Variants in SMC6 observed in about 807,000 individuals in gnomAD.
The protein encoded by SMC6 is structural maintenance of chromosomes 6.
SMC6 carries 79 observed loss-of-function variants against 142.2 expected under a neutral mutation model. That is an observed-to-expected ratio of 0.56 (90% CI 0.46 to 0.67). The LOEUF is 0.67. SMC6 is among the 30% of genes least tolerant of loss of function. The probability of loss-of-function intolerance (pLI) is 0.00; values close to 1 mark genes in which losing one functional copy is unlikely to be tolerated. For synonymous variants in SMC6, 411 were observed against 412.4 expected (o/e 1.00, Z 0.04); for missense variants, 1,072 against 1,284.0 (o/e 0.83, Z 2.52).
intron 9 of SMC6, among the ~76,000 whole-genome samples, chr2:17,724,153 G>C (rs1372490211): frequency 6.6e-6 from 1 of 152,068 alleles, no homozygotes; most frequent in African/African-American, 2.4e-5. Flanking sequence ...GGTACAGTTT[G>C]TTTGAATATA....
chr2:17,681,972 T>C (rs757212700), intron 24 of SMC6: 3 of 152,182 alleles, frequency 2.0e-5, no homozygotes, highest in Non-Finnish European at 4.4e-5. Context: ...GCCTGTAAAC[T>C]GTAAGATCAG....
At chr2:17,727,158 T>C (rs1669668094) in intron 7 of SMC6, among the ~76,000 whole-genome samples, 1 of 152,176 alleles carries the variant, frequency 6.6e-6, no homozygotes, top group Non-Finnish European at 1.5e-5. Context: ...GATTGAAGGA[T>C]GCAAAGTATT....
rs1424729233 is a variant in SMC6, at chr2:17,720,963, C to G, written c.922G>C (p.Asp308His). ...ACCTGCTGTTCTTCCATTTTCCTGT[C>G]AAGTCTAGCAGCACGATCTTCTCCA... Reference protein sequence around the residue: ...KIGEDRAARLDRKMEEQQVRL... With the variant: ...KIGEDRAARLHRKMEEQQVRL... Residue 308 changes from aspartate to histidine, a missense_variant, in exon 11 of 28, where the codon GAC (aspartate) becomes CAC (histidine). Physicochemically the swap from Asp to His is moderately conservative, Grantham distance 81 (BLOSUM62 -1). This residue lies in a region of SMC6 where 994 missense variants were observed against 1,153.2 expected (regional missense o/e 0.86). Coordinates refer to ENST00000448223, the MANE Select transcript of SMC6 (RefSeq NM_001142286.2). 1 of 1,613,416 alleles carries G rather than the reference C, an allele frequency of 6.2e-7. No homozygotes were observed. Among genetic ancestry groups the G allele is most frequent in the Non-Finnish European group, 8.5e-7 (1 of 1,179,786 alleles).
At chr2:17,734,066 TTG>T (rs1362311125) in intron 5 of SMC6, among the ~76,000 whole-genome samples, 1 of 152,034 alleles carries the variant, frequency 6.6e-6, no homozygotes, top group Non-Finnish European at 1.5e-5. Context: ...TAAGTTAGGA[TTG>T]TGAGGGAGGT....
chr2:17,721,333 C>A (rs188659086), intron 9 of SMC6, 72 bp from the exon 10 acceptor site: 2 of 1,420,292 alleles, frequency 1.4e-6, no homozygotes, highest in Non-Finnish European at 1.9e-6. Context: ...AAATCTATTT[C>A]TTTTAAAAAC....
At chr2:17,730,031 G>A (rs560533321) in intron 7 of SMC6, among the ~76,000 whole-genome samples, 2 of 152,094 alleles carry the variant, frequency 1.3e-5, no homozygotes, top group African/African-American at 4.8e-5. Flanking sequence ...ATTCTGTAAC[G>A]AGGCAGTATT....
At chr2:17,742,928 TTA>T (rs1461272266) in intron 3 of SMC6, among the ~76,000 whole-genome samples, 1 of 152,160 alleles carries the variant, frequency 6.6e-6, no homozygotes, top group Non-Finnish European at 1.5e-5. Flanking sequence ...TGTTGCCCTT[TTA>T]TAGTCACATC....
intron 23 of SMC6, among the ~76,000 whole-genome samples, chr2:17,685,947 AT>A (rs1667436819): frequency 6.6e-6 from 1 of 152,096 alleles, no homozygotes. Flanking sequence ...CCATAGAAAA[AT>A]AATTTTAAAA....
intron 9 of SMC6, among the ~76,000 whole-genome samples, chr2:17,723,383 A>C (rs542449369): frequency 9.9e-5 from 15 of 152,214 alleles, no homozygotes; most frequent in African/African-American, 3.4e-4. Flanking sequence ...CTGCCCCCTA[A>C]ATTTTATAAG....
At chr2:17,671,431 C>CCACA (rs10686942) in intron 25 of SMC6, among the ~76,000 whole-genome samples, 6,033 of 148,830 alleles carry the variant, frequency 0.041, 150 homozygotes, top group Middle Eastern at 0.075. Flanking sequence ...AACCTCATCT[C>CCACA]CACACACACA....
At chr2:17,668,604 T>C (rs1401850619) in intron 26 of SMC6, among the ~76,000 whole-genome samples, 2 of 152,018 alleles carry the variant, frequency 1.3e-5, no homozygotes, top group Non-Finnish European at 2.9e-5. Flanking sequence ...GTAATATATA[T>C]TATGAGTTGA....
Position 17,708,753 on chromosome 2 carries a change from T to A in SMC6, c.1731A>T (p.Arg577Ser). Residue 577 changes from arginine (R) to serine (S), a missense_variant and splice_region_variant, in exon 17 of 28, where the codon AGA becomes AGT. This residue lies in a region of SMC6 where 994 missense variants were observed against 1,153.2 expected (regional missense o/e 0.86). Coordinates refer to ENST00000448223, the MANE Select transcript of SMC6 (RefSeq NM_001142286.2). Reference protein sequence around the residue: ...FRNEIYDVRHRAAYHPDFPTV... With the variant: ...FRNEIYDVRHSAAYHPDFPTV... ...TTGGAAAGTCTGGATGATAAGCAGC[T>A]CTAGGAGACAAAAATACAGAAGGAT... is the stretch of plus-strand genomic sequence containing the variant. 6.8e-7 allele frequency: 1 copy of A among 1,479,616 alleles called. No homozygotes were observed. Among genetic ancestry groups the A allele is most frequent in the Non-Finnish European group, 9.0e-7 (1 of 1,112,590 alleles). The allele number at this position is 1,479,616 out of a possible 1,614,324, so 91.7% of individuals were successfully genotyped here. A position where few individuals can be genotyped will look rare whatever the true frequency, so the allele number is the denominator to read the frequency against.
intron 23 of SMC6, among the ~76,000 whole-genome samples, chr2:17,685,401 A>C (rs1667407848): frequency 6.6e-6 from 1 of 152,156 alleles, no homozygotes. Flanking sequence ...CAGGAGAAAA[A>C]GTATGAGCTA....
At chr2:17,703,339 A>C in intron 18 of SMC6, 47 bp from the exon 19 acceptor site, 3 of 1,521,478 alleles carry the variant, frequency 2.0e-6, no homozygotes, top group Non-Finnish European at 2.7e-6. Context: ...TCTTTTTCTC[A>C]ATATTACAAA....
chr2:17,726,194 A>C (rs1202418927), intron 8 of SMC6, among the ~76,000 whole-genome samples, 195 bp downstream of exon 8: 1 of 151,646 alleles, frequency 6.6e-6, no homozygotes, highest in Non-Finnish European at 1.5e-5. Context: ...GCCAAAAAGT[A>C]AAAACAAAGA....
At chr2:17,711,884 G>C (rs1440459876) in intron 16 of SMC6, among the ~76,000 whole-genome samples, 2 of 152,202 alleles carry the variant, frequency 1.3e-5, no homozygotes, top group Admixed American at 1.3e-4. Context: ...CTCCCAAAGT[G>C]CTGGGATTAC....
At chr2:17,745,803 A>T (rs762531097) in intron 3 of SMC6, 24 bp downstream of exon 3, 1 of 1,580,102 alleles carries the variant, frequency 6.3e-7, no homozygotes, top group Admixed American at 1.9e-5. Flanking sequence ...ATCAAAAAGC[A>T]TAATTTTGTA....
chr2:17,671,994 T>G (rs945504656), intron 25 of SMC6, among the ~76,000 whole-genome samples: 3 of 150,634 alleles, frequency 2.0e-5, no homozygotes, highest in Non-Finnish European at 4.4e-5. Flanking sequence ...AGCATTCATT[T>G]ATTTTTTAAT....
chr2:17,670,536 T>A lies in SMC6; in HGVS notation c.2950A>T (p.Met984Leu), dbSNP rs142161992. The A allele has an allele frequency of 2.5e-6, 4 of 1,587,492 alleles. No individual in the cohort carries two copies. The highest frequency in any genetic ancestry group is 1.7e-6 in the Non-Finnish European group (2 of 1,172,782). Residue 984 changes from methionine (M) to leucine (L), a missense_variant, in exon 26 of 28, where the codon ATG (methionine) becomes TTG (leucine). Around this residue, in one of 3 missense-constraint regions of SMC6, gnomAD observed 994 missense variants for 1,153.2 expected, o/e 0.86. Coordinates refer to ENST00000448223, the MANE Select transcript of SMC6 (RefSeq NM_001142286.2). ...GEGNKAAFND[M>L]RALSGGERSF... ...CGTTCACCTCCAGACAAGGCTCTCA[T>A]GTCATTGAAAGCAGCTTTATTTCCT...
Sources: gnomAD v4.1 joint callset for allele counts (sites outside exome capture counted in the v4.1 genomes callset) on GRCh38, gnomAD v4.1.1 for gene constraint, gnomAD v4.1.1 regional missense constraint, MANE v1.5 for transcripts, NCBI Gene and HGNC (gene_info 2026-07-23, HGNC 2026-07-21) for gene names.